Variants in SPIDR observed in about 807,000 individuals in gnomAD.
SPIDR encodes the protein DNA repair-scaffolding protein.
Under a neutral mutation model 104.6 loss-of-function variants are expected in SPIDR, and 93 were observed. That is an observed-to-expected ratio of 0.89 (90% CI 0.75 to 1.06). SPIDR has a LOEUF of 1.06. Ranked by LOEUF, SPIDR falls within the 50% of genes least tolerant of loss-of-function variation. The pLI is 0.00. For missense variants in SPIDR, 1,154 were observed against 1,111.2 expected (o/e 1.04, Z -0.55); for synonymous variants, 431 against 416.9 (o/e 1.03, Z -0.41).
At chr8:47,487,118 G>A (rs539522102) in intron 8 of SPIDR, among the ~76,000 whole-genome samples, 251 of 152,280 alleles carry the variant, frequency 1.6e-3, no homozygotes, top group African/African-American at 5.8e-3. Context: ...CTGATGTGCA[G>A]AGACACACAT....
At chr8:47,659,411 T>TA (rs1231689667) in intron 10 of SPIDR, among the ~76,000 whole-genome samples, 1 of 152,228 alleles carries the variant, frequency 6.6e-6, no homozygotes, top group East Asian at 1.9e-4. Context: ...TTTAAATGAA[T>TA]AAAAAACATT....
intron 14 of SPIDR, among the ~76,000 whole-genome samples, chr8:47,709,419 C>T (rs1402870911): frequency 1.3e-5 from 2 of 152,184 alleles, no homozygotes; most frequent in Admixed American, 6.5e-5. Context: ...GGATTACAGG[C>T]GTAAGCCACG....
chr8:47,448,791 G>GA (rs1197361415), intron 8 of SPIDR, among the ~76,000 whole-genome samples: 1 of 152,124 alleles, frequency 6.6e-6, no homozygotes, highest in Non-Finnish European at 1.5e-5. Context: ...AGAAGCAGGG[G>GA]AGGGACTATG....
intron 8 of SPIDR, among the ~76,000 whole-genome samples, chr8:47,503,625 C>A (rs1330784000): frequency 6.6e-6 from 1 of 152,150 alleles, no homozygotes; most frequent in African/African-American, 2.4e-5. Flanking sequence ...GCGCATTTAG[C>A]CCATTCACAT....
intron 5 of SPIDR, 74 bp downstream of exon 5, chr8:47,294,104 GT>G (rs1202602893): frequency 3.9e-4 from 463 of 1,190,974 alleles, no homozygotes; most frequent in African/African-American, 6.1e-4. Context: ...TTTTTTTTTT[GT>G]TTTTTTTTTC....
chr8:47,475,787 A>T (rs1245860895), intron 8 of SPIDR, among the ~76,000 whole-genome samples: 1 of 152,254 alleles, frequency 6.6e-6, no homozygotes, highest in Non-Finnish European at 1.5e-5. Context: ...AGGTTTCTTT[A>T]TCTAAACCAA....
chr8:47,261,090 G>A lies in SPIDR; in HGVS notation c.33+99G>A, dbSNP rs1585939492. The A allele has an allele frequency of 4.2e-6, 5 of 1,195,728 alleles. No individual in the cohort carries two copies. In the African/African-American group the frequency reaches 4.7e-5, roughly 11 times the overall value. 74.1% of individuals were successfully genotyped at this position (1,195,728 alleles called of 1,614,324 possible). ...GGCCCCGTTGTGCTGGGGTGAGAGA[G>A]GGTGGGCGTTGGGGGTGAAGGGCTA... On this transcript the variant is annotated intron_variant, in intron 1 of 19. Coordinates refer to ENST00000297423, the MANE Select transcript of SPIDR (RefSeq NM_001080394.4).
intron 7 of SPIDR, among the ~76,000 whole-genome samples, chr8:47,435,326 CTGTG>C (rs4021912): frequency 2.7e-4 from 39 of 146,416 alleles, no homozygotes; most frequent in East Asian, 8.0e-4. Context: ...TTGCTCAGAT[CTGTG>C]TGTGTGTGTG....
At chr8:47,717,510 G>A (rs973329984) in intron 16 of SPIDR, among the ~76,000 whole-genome samples, 9 of 152,080 alleles carry the variant, frequency 5.9e-5, no homozygotes, top group African/African-American at 1.9e-4. Flanking sequence ...TCCTAACTAC[G>A]GCCAATGAGT....
intron 10 of SPIDR, among the ~76,000 whole-genome samples, chr8:47,601,580 G>A (rs2062293742): frequency 6.6e-6 from 1 of 152,230 alleles, no homozygotes; most frequent in African/African-American, 2.4e-5. Context: ...TGCAGTCCCA[G>A]CTACTCTGGA....
At chr8:47,399,919 G>GA (rs1487430557) in intron 6 of SPIDR, among the ~76,000 whole-genome samples, 1 of 152,218 alleles carries the variant, frequency 6.6e-6, no homozygotes, top group Admixed American at 6.5e-5. Flanking sequence ...CGGGCGCCCA[G>GA]AGTTGAGCCG....
chr8:47,412,150 T>G (rs1003355870), intron 7 of SPIDR, among the ~76,000 whole-genome samples: 1 of 152,166 alleles, frequency 6.6e-6, no homozygotes, highest in Non-Finnish European at 1.5e-5. Flanking sequence ...TCTTTTTTGG[T>G]TCCATATGAA....
chr8:47,487,570 T>A (rs1341970568), intron 8 of SPIDR, among the ~76,000 whole-genome samples: 6 of 152,016 alleles, frequency 3.9e-5, no homozygotes, highest in Non-Finnish European at 7.4e-5. Context: ...CAGCACCACT[T>A]CGTACTTACT....
At chr8:47,449,477 G>T (rs2071300237) in intron 8 of SPIDR, among the ~76,000 whole-genome samples, 1 of 152,162 alleles carries the variant, frequency 6.6e-6, no homozygotes, top group Admixed American at 6.5e-5. Flanking sequence ...CAACTGCTTT[G>T]GTTCCTGTTT....
intron 8 of SPIDR, among the ~76,000 whole-genome samples, chr8:47,513,931 G>T (rs2154377455): frequency 6.6e-6 from 1 of 152,210 alleles, no homozygotes. Context: ...TGTTCTCTCT[G>T]CCTCTTGCCC....
intron 5 of SPIDR, among the ~76,000 whole-genome samples, chr8:47,370,877 AG>A (rs144139020): frequency 3.0e-4 from 45 of 152,268 alleles, no homozygotes; most frequent in African/African-American, 1.1e-3. Flanking sequence ...AGTTCCCTGT[AG>A]CCCCTGCCAC....
At chr8:47,444,290 C>T (rs561008859) in intron 8 of SPIDR, among the ~76,000 whole-genome samples, 11 of 152,152 alleles carry the variant, frequency 7.2e-5, no homozygotes, top group Admixed American at 4.6e-4. Context: ...TTACATCCTG[C>T]CATGAAATCT....
chr8:47,280,236 T>A (rs1227356135), intron 2 of SPIDR, among the ~76,000 whole-genome samples: 1 of 151,288 alleles, frequency 6.6e-6, no homozygotes, highest in Non-Finnish European at 1.5e-5. Context: ...TTTTTTTTTA[T>A]TTTATTTATT....
chr8:47,549,345 A>C (rs1036246401), intron 8 of SPIDR, among the ~76,000 whole-genome samples: 3 of 152,110 alleles, frequency 2.0e-5, no homozygotes, highest in Admixed American at 2.0e-4. Context: ...GAGTCGTCAC[A>C]CTCTCTTCCA....
Sources: gnomAD v4.1 joint callset for allele counts (sites outside exome capture counted in the v4.1 genomes callset) on GRCh38, gnomAD v4.1.1 for gene constraint, MANE v1.5 for transcripts, NCBI Gene and HGNC (gene_info 2026-07-23, HGNC 2026-07-21) for gene names.